The following CLCNKA variants were observed in gnomAD, a reference collection of about 807,000 sequenced individuals.
The protein encoded by CLCNKA is chloride voltage-gated channel Ka, also known as chloride channel protein ClC-Ka.
A neutral mutation model predicts 83.3 loss-of-function variants in CLCNKA; 66 were observed. The ratio of observed to expected loss-of-function variants is 0.79; its 90% confidence interval spans 0.65 to 0.97. The LOEUF (loss-of-function observed/expected upper bound fraction) is 0.97, where lower values mean the gene tolerates loss of function less well. Ranked by LOEUF, CLCNKA falls within the 50% of genes least tolerant of loss-of-function variation. CLCNKA has a pLI of 0.00. For missense variants in CLCNKA, 806 were observed against 888.7 expected (o/e 0.91, Z 1.18); for synonymous variants, 357 against 370.4 (o/e 0.96, Z 0.42).
intron 1 of CLCNKA, 124 bp from the exon 2 acceptor site, chr1:16,022,489 A>AACAC (rs142964147): frequency 3.1e-6 from 2 of 653,878 alleles, no homozygotes; most frequent in Non-Finnish European, 5.2e-6. Context: ...CTAGTGTGAT[A>AACAC]ACACACACAC....
chr1:16,026,573 A>G lies in CLCNKA; in HGVS notation c.536A>G (p.Tyr179Cys), dbSNP rs1209682349. 6.2e-7 allele frequency: 1 copy of G among 1,613,860 alleles called. No individual in the cohort carries two copies. Among genetic ancestry groups the G allele is most frequent in the Non-Finnish European group, 8.5e-7 (1 of 1,180,004 alleles). The change falls in exon 6 of 20, where the codon TAC (tyrosine) becomes TGC (cysteine). Residue 179 changes from tyrosine (Y) to cysteine (C), a missense_variant. Transcript: ENST00000331433. ...FVHLSVMIAA[Y>C]LGRVRTTTIG... ...CACCTGTCTGTAATGATCGCTGCCT[A>G]CCTGGGCCGTGTGCGCACCACGACC...
chr1:16,029,216 C>T lies in CLCNKA; in HGVS notation c.1144C>T (p.Leu382Phe), dbSNP rs367605454. ...CTCCAGCCCACCCTGGCCCGAGGAG[C>T]TCGACCCCCAGCACCTTTGGTGGGA... Reference protein sequence around the residue: ...QNSSPPWPEELDPQHLWWEWY... With the variant: ...QNSSPPWPEEFDPQHLWWEWY... The change falls in exon 12 of 20, where the codon CTC becomes TTC. Residue 382 changes from leucine to phenylalanine, a missense_variant. Coordinates refer to ENST00000331433, the MANE Select transcript of CLCNKA (RefSeq NM_004070.4). 5 of 1,613,574 alleles carry T rather than the reference C, an allele frequency of 3.1e-6. No homozygotes were observed. The African/African-American group carries it at 4.0e-5, about 13-fold the overall frequency.
chr1:16,031,167 G>A (rs1191385688), intron 15 of CLCNKA, among the ~76,000 whole-genome samples: 1 of 152,244 alleles, frequency 6.6e-6, no homozygotes, highest in Non-Finnish European at 1.5e-5. Flanking sequence ...AAGAGGCTCT[G>A]AGAGTCCGAA....
Position 16,022,625 on chromosome 1 carries a change from G to C in CLCNKA, c.6G>C (p.Glu2Asp). Residue 2 changes from glutamate (E) to aspartate (D), a missense_variant, in exon 2 of 20, where the codon GAG becomes GAC. By Grantham distance (45) the Glu-to-Asp change is conservative. Transcript: ENST00000331433. ...TCTGCTTCTCCAGGGGCCTGATGGA[G>C]GAGTTGGTGGGGCTGCGTGAGGGCT... Reference protein sequence around the residue: MEELVGLREGFS... With the variant: MDELVGLREGFS... 1 of 1,564,410 alleles carries C rather than the reference G, an allele frequency of 6.4e-7. No homozygotes were observed.
intron 18 of CLCNKA, 55 bp from the exon 19 acceptor site, chr1:16,033,115 A>T: frequency 6.4e-7 from 1 of 1,573,638 alleles, no homozygotes; most frequent in South Asian, 1.1e-5. Context: ...AGTGGGCCAG[A>T]GGGTGGGCTG....
chr1:16,033,791 A>G lies in CLCNKA; in HGVS notation c.*133A>G, dbSNP rs1303458983. 1 of 887,374 alleles carries G rather than the reference A, an allele frequency of 1.1e-6. No individual in the cohort carries two copies. The highest frequency in any genetic ancestry group is 1.8e-6 in the Non-Finnish European group (1 of 542,194). The allele number at this position is 887,374 out of a possible 1,614,324, so 55.0% of individuals were successfully genotyped here. A position where few individuals can be genotyped will look rare whatever the true frequency, so the allele number is the denominator to read the frequency against. On this transcript the variant is annotated 3_prime_UTR_variant, in exon 20 of 20. Coordinates refer to ENST00000331433, the MANE Select transcript of CLCNKA (RefSeq NM_004070.4). ...GCTCCATTCTTTGGCATAACAGGCAACTCTAACCTAGCCCAGAAGAGGATG... is the reference window on the plus strand; with the variant it reads ...GCTCCATTCTTTGGCATAACAGGCAGCTCTAACCTAGCCCAGAAGAGGATG...
rs751217976 is a variant in CLCNKA, at chr1:16,027,442, C to T, written c.781+7C>T. 6.2e-7 allele frequency: 1 copy of T among 1,613,498 alleles called. No homozygotes were observed. Among genetic ancestry groups the T allele is most frequent in the African/African-American group, 1.3e-5 (1 of 74,886 alleles). ...GTCTTCAACAGCGAGCAGGGTGAGC[C>T]CCCTGGGCTGCCTGACCCTGGCCCT... On this transcript the variant is annotated splice_region_variant and intron_variant, in intron 8 of 19. Coordinates refer to ENST00000331433, the MANE Select transcript of CLCNKA (RefSeq NM_004070.4).
intron 1 of CLCNKA, 45 bp from the exon 2 acceptor site, chr1:16,022,568 C>A: frequency 7.0e-7 from 1 of 1,426,860 alleles, no homozygotes; most frequent in Non-Finnish European, 9.6e-7. Flanking sequence ...AGCGCGAGGA[C>A]GTGCAGCAGC....
chr1:16,033,175 A>C lies in CLCNKA; in HGVS notation c.1935A>C (p.Gln645His), dbSNP rs1254731602. The change falls in exon 19 of 20, where the codon CAA (glutamine) becomes CAC (histidine). Residue 645 changes from glutamine to histidine, a missense_variant. Transcript: ENST00000331433. ...CCTAACAATCCCCCATCCAGGCACA[A>C]AACCTCTTTAAGCTGTTGAACCTTC... is the stretch of plus-strand genomic sequence containing the variant. ...LFSETTLHQA[Q>H]NLFKLLNLQS... is the part of the protein sequence containing the mutation. The C allele has an allele frequency of 1.9e-6, 3 of 1,614,108 alleles. No individual in the cohort carries two copies. The highest frequency in any genetic ancestry group is 1.1e-5 in the South Asian group (1 of 91,078).
chr1:16,025,317 C>G (rs1034191595), intron 4 of CLCNKA, among the ~76,000 whole-genome samples: 9 of 152,224 alleles, frequency 5.9e-5, no homozygotes, highest in Non-Finnish European at 1.3e-4. Flanking sequence ...GCATTCCTCT[C>G]TGACTCTAGC....
chr1:16,030,254 C>T (rs1002771166), intron 14 of CLCNKA, among the ~76,000 whole-genome samples, 179 bp downstream of exon 14: 5 of 152,188 alleles, frequency 3.3e-5, no homozygotes, highest in African/African-American at 1.2e-4. Context: ...ATCACTTCCT[C>T]GTGGCTCCTG....
At chr1:16,029,069 T>C in intron 11 of CLCNKA, 57 bp from the exon 12 acceptor site, 1 of 1,588,624 alleles carries the variant, frequency 6.3e-7, no homozygotes, top group Non-Finnish European at 8.6e-7. Flanking sequence ...CGGGGGAGGC[T>C]GGGGTCTGCC....
At chr1:16,027,738 T>C (rs1185797506) in intron 8 of CLCNKA, 83 bp from the exon 9 acceptor site, 4 of 1,380,290 alleles carry the variant, frequency 2.9e-6, no homozygotes, top group Non-Finnish European at 4.0e-6. Flanking sequence ...TGGCACCCCC[T>C]CCACCCTGGG....
At chr1:16,030,329 C>A in intron 14 of CLCNKA, 132 bp from the exon 15 acceptor site, 1 of 1,174,088 alleles carries the variant, frequency 8.5e-7, no homozygotes, top group Non-Finnish European at 1.2e-6. Context: ...GGGCACTTCC[C>A]ACAGTGCCCA....
rs202069201 is a variant in CLCNKA, at chr1:16,022,674, C to T, written c.55C>T (p.Gln19Ter). ...EGFSGDPVTL[Q>*]ELWGPCPHIR... Reference sequence around the variant, plus strand: ...CTTCTCAGGGGACCCTGTGACTCTGCAGGAGCTGTGGGGCCCCTGTCCCCA... The same window carrying T: ...CTTCTCAGGGGACCCTGTGACTCTGTAGGAGCTGTGGGGCCCCTGTCCCCA... The change falls in exon 2 of 20, where the codon CAG becomes TAG. Residue 19 changes from glutamine to a stop codon, truncating the protein, a stop_gained. Coordinates refer to ENST00000331433, the MANE Select transcript of CLCNKA (RefSeq NM_004070.4). LOFTEE classifies it high-confidence loss of function. 53 of 1,563,992 alleles carry T rather than the reference C, an allele frequency of 3.4e-5. No individual in the cohort carries two copies. Among genetic ancestry groups the T allele is most frequent in the Admixed American group, 2.3e-4 (12 of 52,846 alleles).
intron 19 of CLCNKA, 33 bp from the exon 20 acceptor site, chr1:16,033,578 C>G (rs541959754): frequency 1.3e-6 from 1 of 764,238 alleles, no homozygotes; most frequent in African/African-American, 1.9e-5. Context: ...CCTCTACATC[C>G]CCCCCCACCT....
At position 16,033,655 on chromosome 1, in the gene CLCNKA, G is replaced by A; in HGVS notation, c.2061G>A (p.Lys687=). ...ACCTGACAAATCCGCCAGCTCCAAA[G>A]TGAGCCGGCCCAGCAAGATGAAACA... ...ISNLTNPPAP[K] Residue 687 remains lysine, a synonymous_variant, in exon 20 of 20, where the codon AAG becomes AAA. Transcript: ENST00000331433. 8.3e-6 allele frequency: 13 copies of A among 1,563,024 alleles called. No individual in the cohort carries two copies. Among genetic ancestry groups the A allele is most frequent in the South Asian group, 1.1e-5 (1 of 90,218 alleles).
At chr1:16,029,362 G>A in intron 12 of CLCNKA, 63 bp downstream of exon 12, 1 of 1,609,818 alleles carries the variant, frequency 6.2e-7, no homozygotes, top group East Asian at 2.2e-5. Context: ...GAGGGGCGGG[G>A]GTGCCTCCCT....
intron 2 of CLCNKA, among the ~76,000 whole-genome samples, chr1:16,023,385 C>T (rs768100228): frequency 4.6e-5 from 7 of 152,232 alleles, no homozygotes; most frequent in Non-Finnish European, 7.4e-5. Flanking sequence ...CCCCTTCACA[C>T]TCCCTGTCCC....
Sources: allele counts gnomAD v4.1 joint callset (sites outside exome capture counted in the v4.1 genomes callset), GRCh38; gene constraint gnomAD v4.1.1; transcripts MANE v1.5; gene names NCBI Gene and HGNC (gene_info 2026-07-23, HGNC 2026-07-21).